LRFN5: variants seen among roughly 807,000 people sequenced by gnomAD.
LRFN5 encodes leucine-rich repeat and fibronectin type-III domain-containing protein 5.
A neutral mutation model predicts 45.6 loss-of-function variants in LRFN5; 24 were observed. The ratio of observed to expected loss-of-function variants is 0.53; its 90% CI spans 0.38 to 0.74. The LOEUF is 0.74. Among genes scored for constraint, LRFN5 ranks in the 30% least tolerant of loss-of-function variants. The pLI, the probability that LRFN5 is intolerant of heterozygous loss-of-function variation, is 0.00. For missense variants in LRFN5, 776 were observed against 861.5 expected, an observed-to-expected ratio of 0.90 and a Z score of 1.24; for synonymous variants, 340 against 313.8, an observed-to-expected ratio of 1.08 and a Z score of -0.88.
chr14:41,765,936 C>T (rs186209517), intron 1 of LRFN5, among the ~76,000 whole-genome samples: 21 of 152,140 alleles, frequency 1.4e-4, no homozygotes, highest in African/African-American at 4.8e-4. Flanking sequence ...TAAATTTTGA[C>T]TCTATAAGAT....
At chr14:41,698,791 A>T (rs1319479208) in intron 1 of LRFN5, among the ~76,000 whole-genome samples, 5 of 151,970 alleles carry the variant, frequency 3.3e-5, no homozygotes, top group African/African-American at 7.3e-5. Flanking sequence ...TTCTAAAATT[A>T]TGTGATTTTT....
At chr14:41,654,031 C>T (rs1486090527) in intron 1 of LRFN5, among the ~76,000 whole-genome samples, 1 of 151,850 alleles carries the variant, frequency 6.6e-6, no homozygotes, top group Non-Finnish European at 1.5e-5. Context: ...GGGAACATCA[C>T]ACACCAGGGC....
intron 1 of LRFN5, among the ~76,000 whole-genome samples, chr14:41,622,237 G>T (rs1306233028): frequency 6.6e-6 from 1 of 150,980 alleles, no homozygotes; most frequent in East Asian, 1.9e-4. Context: ...TGATATTTTG[G>T]TTTGATAATT....
In LRFN5 at chr14:41,887,347, C is replaced by G; in HGVS notation, c.722C>G (p.Pro241Arg). 2 of 1,614,166 alleles carry G rather than the reference C, an allele frequency of 1.2e-6. No homozygotes were observed. The highest frequency in any genetic ancestry group is 1.7e-6 in the Non-Finnish European group (2 of 1,180,024). ...STFALSFGGN[P>R]LHCNCELLWL... is the part of the protein sequence containing the mutation. ...TTTGCATTAAGTTTTGGTGGAAACC[C>G]CTTGCATTGCAATTGTGAATTGTTG... The change falls in exon 3 of 6, where the codon CCC becomes CGC. Residue 241 changes from proline (P) to arginine (R), a missense_variant. By Grantham distance (103) the Pro-to-Arg change is moderately radical (BLOSUM62 -2). Coordinates refer to ENST00000298119, the MANE Select transcript of LRFN5 (RefSeq NM_152447.5). The surrounding 1 kb of genome is among the most constrained non-coding windows in gnomAD (Gnocchi z 4.8).
intron 2 of LRFN5, among the ~76,000 whole-genome samples, chr14:41,822,759 T>C (rs1479949588): frequency 4.0e-5 from 6 of 149,058 alleles, no homozygotes; most frequent in Admixed American, 4.0e-4. Flanking sequence ...TCCACCACTA[T>C]TATTGTGTTG....
At position 41,886,526 on chromosome 14, in the gene LRFN5, A is replaced by G. The variant is rs1029563251; in HGVS notation, c.-20-80A>G. 13 of 929,098 alleles carry G rather than the reference A, an allele frequency of 1.4e-5. No homozygotes were observed. The East Asian group carries it at 3.4e-4, about 24-fold the overall frequency. 57.6% of individuals were successfully genotyped at this position (929,098 alleles called of 1,614,324 possible). A position where few individuals can be genotyped will look rare whatever the true frequency, so the allele number is the denominator to read the frequency against. ...ATTATTTCTCTATTCTAGATTGCATACAAATATTATTCTAGTAGGAATATG... is the reference window on the plus strand; with the variant it reads ...ATTATTTCTCTATTCTAGATTGCATGCAAATATTATTCTAGTAGGAATATG... On this transcript the variant is annotated intron_variant, in intron 2 of 5. Coordinates refer to ENST00000298119, the MANE Select transcript of LRFN5 (RefSeq NM_152447.5).
At chr14:41,879,158 A>G (rs1890287335) in intron 2 of LRFN5, among the ~76,000 whole-genome samples, 1 of 152,122 alleles carries the variant, frequency 6.6e-6, no homozygotes, top group African/African-American at 2.4e-5. Flanking sequence ...ATAAAAAGTA[A>G]ATCAAGCTAT....
intron 1 of LRFN5, among the ~76,000 whole-genome samples, chr14:41,654,366 G>A (rs1880276345): frequency 6.6e-6 from 1 of 151,972 alleles, no homozygotes; most frequent in Non-Finnish European, 1.5e-5. Flanking sequence ...CAGGCAAGAA[G>A]TCTGAGTTTG....
rs146428907 is a variant in LRFN5, at chr14:41,845,382, T to C, written c.-20-41224T>C. On this transcript the variant is annotated intron_variant, in intron 2 of 5. Transcript: ENST00000298119. ...TTATTCATATATAGTTATACAACCATGTGTATATAATATACACATACTATG... is the reference window on the plus strand; with the variant it reads ...TTATTCATATATAGTTATACAACCACGTGTATATAATATACACATACTATG... Among the ~76,000 whole-genome samples, 902 of 152,268 alleles carry C rather than the reference T, an allele frequency of 5.9e-3. 5 individuals are homozygous for C. Among genetic ancestry groups the C allele is most frequent in the African/African-American group, 0.021 (872 of 41,564 alleles).
At chr14:41,682,914 T>C (rs538721592) in intron 1 of LRFN5, among the ~76,000 whole-genome samples, 1 of 152,248 alleles carries the variant, frequency 6.6e-6, no homozygotes, top group Non-Finnish European at 1.5e-5. Context: ...ACTCAAACTA[T>C]TCCAAAGAAT....
chr14:41,900,779 T>C (rs1891078734), intron 5 of LRFN5, among the ~76,000 whole-genome samples: 1 of 152,138 alleles, frequency 6.6e-6, no homozygotes, highest in African/African-American at 2.4e-5. Context: ...CAGGCCTATG[T>C]CTACCACTGT....
chr14:41,667,736 G>C (rs1266566064), intron 1 of LRFN5, among the ~76,000 whole-genome samples: 2 of 152,082 alleles, frequency 1.3e-5, no homozygotes, highest in Non-Finnish European at 2.9e-5. Flanking sequence ...TGTAGCTTTG[G>C]AATGCTGGTG....
intron 1 of LRFN5, among the ~76,000 whole-genome samples, chr14:41,755,098 G>C (rs1885314188): frequency 2.0e-5 from 3 of 152,084 alleles, no homozygotes; most frequent in African/African-American, 7.2e-5. Context: ...TTAATCCTGA[G>C]TTCTAGTTTG....
At chr14:41,868,475 G>T (rs1461491830) in intron 2 of LRFN5, among the ~76,000 whole-genome samples, 1 of 152,114 alleles carries the variant, frequency 6.6e-6, no homozygotes, top group African/African-American at 2.4e-5. Flanking sequence ...AGTGTTGGTA[G>T]TCATTTACTT....
At chr14:41,875,772 T>C (rs1890164565) in intron 2 of LRFN5, among the ~76,000 whole-genome samples, 1 of 152,172 alleles carries the variant, frequency 6.6e-6, no homozygotes, top group Non-Finnish European at 1.5e-5. Flanking sequence ...GTCTTTAGGA[T>C]CCCAAACTCA....
chr14:41,859,547 A>G (rs764551025), intron 2 of LRFN5, among the ~76,000 whole-genome samples: 1 of 152,204 alleles, frequency 6.6e-6, no homozygotes, highest in African/African-American at 2.4e-5. Context: ...TCTATTGTGT[A>G]ACCCAGAGGG....
chr14:41,876,222 A>T (rs576859542), intron 2 of LRFN5, among the ~76,000 whole-genome samples: 4 of 148,060 alleles, frequency 2.7e-5, no homozygotes, highest in African/African-American at 7.5e-5. Flanking sequence ...CCTATATTTT[A>T]TGTAAAATGT....
At chr14:41,735,623 T>C (rs933563422) in intron 1 of LRFN5, among the ~76,000 whole-genome samples, 10 of 152,282 alleles carry the variant, frequency 6.6e-5, no homozygotes, top group Non-Finnish European at 8.8e-5. Context: ...TTATTTATTA[T>C]ACTTTAAATT....
At chr14:41,690,914 CTT>C (rs1308726728) in intron 1 of LRFN5, among the ~76,000 whole-genome samples, 5 of 151,954 alleles carry the variant, frequency 3.3e-5, no homozygotes, top group African/African-American at 1.2e-4. Flanking sequence ...TGTGTGAACT[CTT>C]GTTTATATTT....
Sources: gnomAD v4.1 joint callset for allele counts (sites outside exome capture counted in the v4.1 genomes callset) on GRCh38, gnomAD v4.1.1 for gene constraint, Gnocchi (gnomAD v3.1) non-coding constraint, MANE v1.5 for transcripts, NCBI Gene and HGNC (gene_info 2026-07-23, HGNC 2026-07-21) for gene names.